APBB1IP: variants seen among roughly 807,000 people sequenced by gnomAD.
The protein encoded by APBB1IP is amyloid beta precursor protein binding family B member 1 interacting protein.
APBB1IP carries 27 observed loss-of-function variants against 64.9 expected under a neutral mutation model. That is an observed-to-expected ratio of 0.42 (90% CI 0.31 to 0.57). The LOEUF (loss-of-function observed/expected upper bound fraction) is 0.57. APBB1IP is among the 20% of genes least tolerant of loss of function. The pLI, the probability that APBB1IP is intolerant of heterozygous loss-of-function variation, is 0.20. For synonymous variants in APBB1IP, 392 were observed against 331.0 expected, an observed-to-expected ratio of 1.18 and a Z score of -2.00; for missense variants, 812 against 845.5, an observed-to-expected ratio of 0.96 and a Z score of 0.49.
At chr10:26,496,461 T>C (rs1361780263) in intron 4 of APBB1IP, 70 bp downstream of exon 4, 2 of 1,277,166 alleles carry the variant, frequency 1.6e-6, no homozygotes, top group East Asian at 2.4e-5. Flanking sequence ...TATGAAACTA[T>C]AATTTGAAAA....
intron 8 of APBB1IP, among the ~76,000 whole-genome samples, chr10:26,530,243 T>C (rs1237388286): frequency 1.3e-5 from 2 of 151,206 alleles, no homozygotes; most frequent in African/African-American, 2.4e-5. Context: ...TTTTTTTTTT[T>C]TTGAGACGAG....
intron 5 of APBB1IP, 54 bp downstream of exon 5, chr10:26,501,165 T>C (rs1281917322): frequency 2.4e-5 from 39 of 1,606,968 alleles, no homozygotes; most frequent in Non-Finnish European, 3.1e-5. Context: ...TACCTATCAC[T>C]GATGTTCCTT....
intron 4 of APBB1IP, among the ~76,000 whole-genome samples, chr10:26,498,086 ACT>A (rs898801322): frequency 6.6e-6 from 1 of 151,944 alleles, no homozygotes; most frequent in African/African-American, 2.4e-5. Context: ...AGTGCCAGTG[ACT>A]CTTTCTTGAT....
intron 8 of APBB1IP, among the ~76,000 whole-genome samples, chr10:26,528,235 T>G (rs1836503339): frequency 6.6e-6 from 1 of 152,172 alleles, no homozygotes; most frequent in South Asian, 2.1e-4. Flanking sequence ...CCCAGTCACC[T>G]GACAGCGAGC....
At chr10:26,516,845 G>A (rs1248839364) in intron 8 of APBB1IP, among the ~76,000 whole-genome samples, 1 of 152,230 alleles carries the variant, frequency 6.6e-6, no homozygotes, top group Admixed American at 6.5e-5. Flanking sequence ...GGGGTCCCGC[G>A]TTTTTATTTT....
intron 2 of APBB1IP, among the ~76,000 whole-genome samples, chr10:26,442,616 A>G (rs1277062001): frequency 6.6e-6 from 1 of 152,234 alleles, no homozygotes; most frequent in East Asian, 1.9e-4. Context: ...GAGCAAGTGA[A>G]TCATGACTAG....
chr10:26,515,038 ATTTTTT>A (rs10668002), intron 8 of APBB1IP, among the ~76,000 whole-genome samples: 1 of 133,038 alleles, frequency 7.5e-6, no homozygotes, highest in African/African-American at 2.8e-5. Context: ...CCCCCGGCTA[ATTTTTT>A]TTTTTTTTTT....
In APBB1IP at chr10:26,541,361, T is replaced by A. The variant is rs576824454; in HGVS notation, c.1045-221T>A. On this transcript the variant is annotated intron_variant, in intron 10 of 14. Transcript: ENST00000376236. Reference sequence around the variant, plus strand: ...ATATTGGGAAAGATTTATGTATAGATCTTACTAAATTGTCCCCCAACTTGG... The same window carrying A: ...ATATTGGGAAAGATTTATGTATAGAACTTACTAAATTGTCCCCCAACTTGG... Among the ~76,000 whole-genome samples, 8 of 152,326 alleles carry A rather than the reference T, an allele frequency of 5.3e-5. No homozygotes were observed. In the South Asian group the frequency reaches 1.7e-3, roughly 32 times the overall value.
At chr10:26,495,527 A>G (rs1433476565) in intron 3 of APBB1IP, among the ~76,000 whole-genome samples, 1 of 151,542 alleles carries the variant, frequency 6.6e-6, no homozygotes, top group Non-Finnish European at 1.5e-5. Flanking sequence ...CCAGCACTTT[A>G]GGAGGCCAAG....
chr10:26,442,534 C>T (rs1835348795), intron 2 of APBB1IP, among the ~76,000 whole-genome samples: 1 of 152,104 alleles, frequency 6.6e-6, no homozygotes, highest in Non-Finnish European at 1.5e-5. Flanking sequence ...TGTGTTTCCC[C>T]AAACCGACTG....
At chr10:26,551,547 C>T (rs1186164708) in intron 11 of APBB1IP, among the ~76,000 whole-genome samples, 1 of 152,142 alleles carries the variant, frequency 6.6e-6, no homozygotes. Context: ...TCATTCCATT[C>T]TGGGGCTAGA....
chr10:26,539,192 C>G (rs1319683046), intron 10 of APBB1IP, among the ~76,000 whole-genome samples: 1 of 152,084 alleles, frequency 6.6e-6, no homozygotes, highest in East Asian at 1.9e-4. Context: ...GGGAGGATAG[C>G]TTGAGCCCAA....
chr10:26,514,147 C>T (rs1015572474), intron 8 of APBB1IP, among the ~76,000 whole-genome samples: 4 of 152,220 alleles, frequency 2.6e-5, no homozygotes, highest in African/African-American at 7.2e-5. Flanking sequence ...GCTATATGTA[C>T]GCTAACAGTC....
chr10:26,554,681 A>G (rs1435597314), intron 11 of APBB1IP, among the ~76,000 whole-genome samples: 1 of 152,078 alleles, frequency 6.6e-6, no homozygotes, highest in Non-Finnish European at 1.5e-5. Flanking sequence ...TCCTGGGCTT[A>G]AGTGATCCTC....
intron 8 of APBB1IP, 44 bp downstream of exon 8, chr10:26,513,704 A>ATT (rs35115529): frequency 0.01 from 13,838 of 1,372,662 alleles, 30 homozygotes; most frequent in South Asian, 0.056. Context: ...AGTACAAAGG[A>ATT]TTTTTTTTTT....
At position 26,560,741 on chromosome 10, in the gene APBB1IP, T is replaced by A; in HGVS notation, c.1266T>A (p.Thr422=). 1 of 1,592,864 alleles carries A rather than the reference T, an allele frequency of 6.3e-7. No individual in the cohort carries two copies. The highest frequency in any genetic ancestry group is 8.5e-7 in the Non-Finnish European group (1 of 1,169,818). Residue 422 remains threonine, a synonymous_variant, in exon 13 of 15, where the codon ACT becomes ACA. Coordinates refer to ENST00000376236, the MANE Select transcript of APBB1IP (RefSeq NM_019043.4). ...TGTTCTCTCCCCAGTATGGGAAGAC[T>A]CTCTATGATAACTACCAGCGGGCTG... ...MGIRIAKYGK[T]LYDNYQRAVA...
rs1231263091 is a variant in APBB1IP at position 26,473,095 on chromosome 10, CT to C, written c.1-19229del. On this transcript the variant is annotated intron_variant, in intron 2 of 14. Transcript: ENST00000376236. ...ATGGAACAGGCTAGGACCCTCAACTCTTTGTTACTCAAGCCCTTAGTCTTGT... is the reference window on the plus strand; with the variant it reads ...ATGGAACAGGCTAGGACCCTCAACTCTTGTTACTCAAGCCCTTAGTCTTGT... 3.3e-5 allele frequency among the ~76,000 whole-genome samples: 5 copies of C among 152,308 alleles called. No individual in the cohort carries two copies. The South Asian group carries it at 1.0e-3, about 32-fold the overall frequency.
chr10:26,528,386 T>C (rs531059316), intron 8 of APBB1IP, among the ~76,000 whole-genome samples: 1 of 152,098 alleles, frequency 6.6e-6, no homozygotes, highest in Non-Finnish European at 1.5e-5. Context: ...GGAAATCTAT[T>C]CTTATTCTTT....
intron 11 of APBB1IP, among the ~76,000 whole-genome samples, chr10:26,548,795 C>A (rs1836797533): frequency 6.6e-6 from 1 of 152,050 alleles, no homozygotes; most frequent in Non-Finnish European, 1.5e-5. Flanking sequence ...AAACAGAGAC[C>A]ATTTGACTTC....
Sources: allele counts gnomAD v4.1 joint callset (sites outside exome capture counted in the v4.1 genomes callset), GRCh38; gene constraint gnomAD v4.1.1; transcripts MANE v1.5; gene names NCBI Gene and HGNC (gene_info 2026-07-23, HGNC 2026-07-21).